The following KCNMA1 variants were observed in gnomAD, a reference collection of about 807,000 sequenced individuals.
KCNMA1 encodes Calcium-activated potassium channel subunit alpha-1.
KCNMA1 carries 29 observed loss-of-function variants against 140.0 expected under a neutral mutation model. That is an observed-to-expected ratio of 0.21 (90% CI 0.15 to 0.28). The LOEUF (loss-of-function observed/expected upper bound fraction) is 0.28. KCNMA1 is among the 10% of genes least tolerant of loss of function. The probability of loss-of-function intolerance (pLI) is 1.00; values close to 1 mark genes in which losing one functional copy is unlikely to be tolerated. For missense variants in KCNMA1, 880 were observed against 1,602.2 expected (o/e 0.55, Z 7.70); for synonymous variants, 612 against 611.9 (o/e 1.00, Z 0.00).
chr10:77,045,942 T>C (rs2095027938), intron 14 of KCNMA1, among the ~76,000 whole-genome samples: 1 of 152,190 alleles, frequency 6.6e-6, no homozygotes, highest in Non-Finnish European at 1.5e-5. Context: ...CTTATTTAAT[T>C]GAAAACAGGC....
rs185846533 is a variant in KCNMA1 at position 76,959,939 on chromosome 10, G to C, written c.2361-6015C>G. 1.7e-3 allele frequency among the ~76,000 whole-genome samples: 253 copies of C among 152,282 alleles called. 1 individual carries two copies. The highest frequency in any genetic ancestry group is 2.9e-3 in the Non-Finnish European group (196 of 68,028). The stretch of plus-strand genomic sequence containing the variant: ...AATAGATAAGTAACATGCTCAGGTG[G>C]CACAGCCAGTGAGAGGAGAGGCAAA... On this transcript the variant is annotated intron_variant, in intron 20 of 27. Transcript: ENST00000286628.
chr10:77,294,646 C>G (rs976701755), intron 2 of KCNMA1, among the ~76,000 whole-genome samples: 2 of 152,210 alleles, frequency 1.3e-5, no homozygotes, highest in Admixed American at 6.5e-5. Context: ...GGGCCAGGCA[C>G]AGTGACTCAC....
At chr10:77,135,610 GATGA>G (rs1239139149) in intron 5 of KCNMA1, among the ~76,000 whole-genome samples, 1 of 152,180 alleles carries the variant, frequency 6.6e-6, no homozygotes, top group Non-Finnish European at 1.5e-5. Context: ...TCCATCAACA[GATGA>G]ATGAAGAAAA....
At chr10:76,920,014 G>GTTTATATATATATATATA (rs1449289105) in intron 23 of KCNMA1, among the ~76,000 whole-genome samples, 1 of 44,522 alleles carries the variant, frequency 2.2e-5, no homozygotes, top group African/African-American at 1.3e-4. Context: ...GTGTGTGTGT[G>GTTTATATATATATATATA]TGTGTGTATA....
chr10:77,025,240 G>GTATATATATATATA lies in KCNMA1; in HGVS notation c.1928+2582_1928+2583insTATATATATATATA, dbSNP rs1384161555. Reference sequence around the variant, plus strand: ...GTACTCTAGTTGGAGAGGGGTGTGTGTGTATATATATATATATATATATAT... The same window carrying GTATATATATATATA: ...GTACTCTAGTTGGAGAGGGGTGTGTGTATATATATATATATGTATATATATATATATATATATAT... On this transcript the variant is annotated intron_variant, in intron 16 of 27. Transcript: ENST00000286628. Among the ~76,000 whole-genome samples, 584 of 64,958 alleles carry GTATATATATATATA rather than the reference G, an allele frequency of 9.0e-3. 6 individuals are homozygous for GTATATATATATATA. The highest frequency in any genetic ancestry group is 0.011 in the Non-Finnish European group (367 of 33,170). The allele number at this position is 64,958 out of a possible 152,430, so 42.6% of individuals were successfully genotyped here.
At chr10:77,430,056 G>A (rs1325708916) in intron 1 of KCNMA1, among the ~76,000 whole-genome samples, 1 of 152,198 alleles carries the variant, frequency 6.6e-6, no homozygotes. Context: ...TGAAAGGAAA[G>A]TAAAATCTTG....
intron 5 of KCNMA1, among the ~76,000 whole-genome samples, chr10:77,180,244 G>A (rs958747257): frequency 2.0e-5 from 3 of 152,118 alleles, no homozygotes; most frequent in Non-Finnish European, 4.4e-5. Flanking sequence ...CTATTTAATG[G>A]GATTATTTCT....
chr10:76,999,385 G>C (rs2085447750), intron 19 of KCNMA1, among the ~76,000 whole-genome samples: 1 of 152,192 alleles, frequency 6.6e-6, no homozygotes, highest in African/African-American at 2.4e-5. Context: ...TCTAGGCTAA[G>C]GTTTTAGAGC....
intron 22 of KCNMA1, among the ~76,000 whole-genome samples, 158 bp from the exon 23 acceptor site, chr10:76,945,123 C>T (rs1554966763): frequency 6.6e-6 from 1 of 152,076 alleles, no homozygotes. Flanking sequence ...TTTTTTATGC[C>T]TTGACATTAA....
intron 3 of KCNMA1, among the ~76,000 whole-genome samples, chr10:77,245,791 A>G (rs1160220904): frequency 6.6e-6 from 1 of 152,138 alleles, no homozygotes; most frequent in African/African-American, 2.4e-5. Context: ...ACTTGGAAAG[A>G]CACCCCTAGG....
intron 1 of KCNMA1, among the ~76,000 whole-genome samples, chr10:77,522,178 A>AAAATAAATAAATAAATAAATAAATAAAT (rs57838652): frequency 2.5e-4 from 36 of 142,796 alleles, no homozygotes; most frequent in East Asian, 6.4e-4. Flanking sequence ...ACTCCATCTC[A>AAAATAAATAAATAAATAAATAAATAAAT]AAATAAATAA....
chr10:77,115,164 A>G (rs956632466), intron 6 of KCNMA1, among the ~76,000 whole-genome samples: 1 of 152,204 alleles, frequency 6.6e-6, no homozygotes, highest in Non-Finnish European at 1.5e-5. Flanking sequence ...TCCAGAGTTG[A>G]TTCTGACAGT....
At chr10:76,950,619 G>A (rs2065886865) in intron 21 of KCNMA1, among the ~76,000 whole-genome samples, 1 of 152,148 alleles carries the variant, frequency 6.6e-6, no homozygotes, top group South Asian at 2.1e-4. Flanking sequence ...CTTTGGGGGA[G>A]GCATATTAAT....
intron 2 of KCNMA1, among the ~76,000 whole-genome samples, chr10:77,331,621 C>A (rs1341482497): frequency 3.3e-5 from 5 of 149,254 alleles, no homozygotes; most frequent in East Asian, 2.0e-4. Context: ...AGTTCAAGAC[C>A]AGCATGGGCC....
chr10:76,944,644 T>C (rs2063444936), intron 23 of KCNMA1, 129 bp downstream of exon 23: 3 of 818,258 alleles, frequency 3.7e-6, no homozygotes, highest in Middle Eastern at 3.4e-4. Context: ...AAAGCCATCA[T>C]GGTGACCGCA....
chr10:77,333,930 G>C (rs146164880), intron 2 of KCNMA1, among the ~76,000 whole-genome samples: 1 of 152,114 alleles, frequency 6.6e-6, no homozygotes, highest in Non-Finnish European at 1.5e-5. Context: ...TGACATAATA[G>C]GATTTCAGTA....
intron 2 of KCNMA1, among the ~76,000 whole-genome samples, chr10:77,355,732 A>G (rs1414012853): frequency 6.6e-6 from 1 of 152,216 alleles, no homozygotes; most frequent in Non-Finnish European, 1.5e-5. Context: ...ATTAGATAAG[A>G]CAATACATGC....
At chr10:77,537,019 C>T (rs560635116) in intron 1 of KCNMA1, among the ~76,000 whole-genome samples, 6 of 152,188 alleles carry the variant, frequency 3.9e-5, no homozygotes, top group Admixed American at 1.3e-4. Context: ...GACTTTAGTT[C>T]ATTTCCTTCG....
chr10:77,217,432 A>G, intron 3 of KCNMA1: 1 of 446,322 alleles, frequency 2.2e-6, no homozygotes, highest in East Asian at 7.0e-5. Flanking sequence ...CACATGGCCA[A>G]CTTCTCCCAA....
Sources: allele counts gnomAD v4.1 joint callset (sites outside exome capture counted in the v4.1 genomes callset), GRCh38; gene constraint gnomAD v4.1.1; transcripts MANE v1.5; gene names NCBI Gene and HGNC (gene_info 2026-07-23, HGNC 2026-07-21).